UTS2: variants seen among roughly 807,000 people sequenced by gnomAD.
The protein encoded by UTS2 is urotensin-2.
In UTS2, 10 loss-of-function variants were observed where a neutral mutation model predicts 12.6. The ratio of observed to expected loss-of-function variants is 0.80; its 90% CI spans 0.49 to 1.35. UTS2 has a LOEUF of 1.35. Ranked by LOEUF, UTS2 falls within the 40% of genes most tolerant of loss-of-function variation. UTS2 has a pLI of 0.00. For synonymous variants in UTS2, 52 were observed against 50.0 expected, an observed-to-expected ratio of 1.04 and a Z score of -0.17; for missense variants, 142 against 143.2, an observed-to-expected ratio of 0.99 and a Z score of 0.04.
At chr1:7,854,208 G>A (rs909571916), upstream of UTS2, among the ~76,000 whole-genome samples, 2 of 152,064 alleles carry the variant, frequency 1.3e-5, no homozygotes, top group African/African-American at 4.8e-5. Context: ...GCCAGGCATG[G>A]TGGCACGTGC....
At chr1:7,865,667 G>A in the UTS2 span, among the ~76,000 whole-genome samples, 1 of 152,116 alleles carries the variant, frequency 6.6e-6, no homozygotes, top group Non-Finnish European at 1.5e-5. Flanking sequence ...GCTGAGCATG[G>A]TGGTTCTGTA....
chr1:7,867,237 A>G, the UTS2 span, among the ~76,000 whole-genome samples: 4 of 152,340 alleles, frequency 2.6e-5, no homozygotes, highest in Admixed American at 2.6e-4. Flanking sequence ...CCAAAATATG[A>G]AGAACTTAAC....
the UTS2 span, among the ~76,000 whole-genome samples, chr1:7,869,731 G>A: frequency 2.0e-5 from 3 of 152,352 alleles, no homozygotes; most frequent in Non-Finnish European, 4.4e-5. Flanking sequence ...GGCCAGCGGA[G>A]AGGAAGTCTG....
chr1:7,867,166 G>A, the UTS2 span, among the ~76,000 whole-genome samples: 1 of 152,096 alleles, frequency 6.6e-6, no homozygotes, highest in Non-Finnish European at 1.5e-5. Flanking sequence ...CACCACACAT[G>A]GCCCAAATTA....
Position 7,849,682 on chromosome 1 carries a change from G to C in UTS2, c.216C>G (p.Asp72Glu). ...TTGGGTTAAAAATGTTGGTACTTGAGTCTGAAAAACAGTTTTGAAGCCAGT... is the reference window on the plus strand; with the variant it reads ...TTGGGTTAAAAATGTTGGTACTTGACTCTGAAAAACAGTTTTGAAGCCAGT... ...AERGDILRKADSSTNIFNPRG... is the reference protein window; with the variant it reads ...AERGDILRKAESSTNIFNPRG... Residue 72 changes from aspartate to glutamate, a missense_variant and splice_region_variant, in exon 3 of 4, where the codon GAC becomes GAG. Physicochemically the swap from Asp to Glu is conservative, Grantham distance 45. Coordinates refer to ENST00000361696, the MANE Select transcript of UTS2 (RefSeq NM_006786.4). The C allele has an allele frequency of 1.2e-6, 2 of 1,608,990 alleles. No homozygotes were observed. Among genetic ancestry groups the C allele is most frequent in the Non-Finnish European group, 1.7e-6 (2 of 1,178,928 alleles).
intron 2 of UTS2, 84 bp downstream of exon 2, chr1:7,850,728 A>G: frequency 7.4e-7 from 1 of 1,358,122 alleles, no homozygotes; most frequent in South Asian, 1.2e-5. Flanking sequence ...TCCAAAATAG[A>G]GCTTTACCTC....
chr1:7,910,300 G>C, the UTS2 span, among the ~76,000 whole-genome samples: 1 of 83,392 alleles, frequency 1.2e-5, no homozygotes, highest in Non-Finnish European at 2.4e-5. Context: ...GCCTTTCTTT[G>C]TAAAAACCGG....
At chr1:7,906,959 A>G in the UTS2 span, among the ~76,000 whole-genome samples, 1 of 152,164 alleles carries the variant, frequency 6.6e-6, no homozygotes, top group Non-Finnish European at 1.5e-5. Context: ...ATAATTATTG[A>G]AAGAGTATGG....
chr1:7,907,780 G>A, the UTS2 span, among the ~76,000 whole-genome samples: 4 of 152,094 alleles, frequency 2.6e-5, no homozygotes, highest in African/African-American at 9.7e-5. Flanking sequence ...CTCAGAGTAG[G>A]AGGAAAAGAA....
At chr1:7,901,578 A>G in the UTS2 span, among the ~76,000 whole-genome samples, 1 of 151,428 alleles carries the variant, frequency 6.6e-6, no homozygotes, top group Admixed American at 6.6e-5. Flanking sequence ...CAGCTGCTAT[A>G]TACTTGGATG....
chr1:7,909,255 A>T, the UTS2 span, among the ~76,000 whole-genome samples: 4 of 152,172 alleles, frequency 2.6e-5, no homozygotes, highest in Non-Finnish European at 4.4e-5. Flanking sequence ...AAAGTTAATT[A>T]AAAAATATTT....
Position 7,853,049 on chromosome 1 carries a change from G to A in UTS2, c.-46C>T. The A allele has an allele frequency of 6.3e-7, 1 of 1,585,666 alleles. No individual in the cohort carries two copies. Among genetic ancestry groups the A allele is most frequent in the Non-Finnish European group, 8.5e-7 (1 of 1,169,990 alleles). ...CTTCCTTCTTGGCTTCTGTTGTAGAGAACTTTCAACTGTCTCCTCATTCTG... is the reference window on the plus strand; with the variant it reads ...CTTCCTTCTTGGCTTCTGTTGTAGAAAACTTTCAACTGTCTCCTCATTCTG... On this transcript the variant is annotated 5_prime_UTR_variant, in exon 1 of 4. Transcript: ENST00000361696.
At chr1:7,848,102 G>A (rs1361113780) in intron 3 of UTS2, among the ~76,000 whole-genome samples, 7 of 152,100 alleles carry the variant, frequency 4.6e-5, no homozygotes, top group African/African-American at 1.7e-4. Flanking sequence ...AGTCTGTTCA[G>A]CCCAGCGATT....
chr1:7,850,052 C>A (rs2097412337), intron 2 of UTS2, among the ~76,000 whole-genome samples: 1 of 151,706 alleles, frequency 6.6e-6, no homozygotes, highest in African/African-American at 2.4e-5. Flanking sequence ...TCACCACAAC[C>A]TCTGCCTCCT....
chr1:7,853,449 G>C, upstream of UTS2: 1 of 1,610,066 alleles, frequency 6.2e-7, no homozygotes, highest in Non-Finnish European at 8.5e-7. Flanking sequence ...TCTTTCATGA[G>C]TGAGTAGATG....
the UTS2 span, among the ~76,000 whole-genome samples, chr1:7,872,321 G>GAAAAAAAAAAAA: frequency 1.2e-5 from 1 of 86,078 alleles, no homozygotes; most frequent in Non-Finnish European, 2.3e-5. Context: ...AAAAAAAAAG[G>GAAAAAAAAAAAA]AAAAGAAAAA....
intron 3 of UTS2, among the ~76,000 whole-genome samples, chr1:7,848,322 C>T (rs1239293576): frequency 6.6e-6 from 1 of 151,922 alleles, no homozygotes; most frequent in East Asian, 1.9e-4. Flanking sequence ...TCCTGTAGTC[C>T]CAGCTACTCG....
the UTS2 span, among the ~76,000 whole-genome samples, chr1:7,862,727 A>T: frequency 6.6e-6 from 1 of 152,080 alleles, no homozygotes; most frequent in African/African-American, 2.4e-5. Flanking sequence ...CCCGCACCCC[A>T]GGGAGGGCAT....
At chr1:7,863,932 G>A in the UTS2 span, among the ~76,000 whole-genome samples, 3 of 152,188 alleles carry the variant, frequency 2.0e-5, no homozygotes, top group South Asian at 2.1e-4. Context: ...GGCTGACAGC[G>A]GGGCCTCCCT....
Sources: allele counts gnomAD v4.1 joint callset (sites outside exome capture counted in the v4.1 genomes callset), GRCh38; gene constraint gnomAD v4.1.1; transcripts MANE v1.5; gene names NCBI Gene and HGNC (gene_info 2026-07-23, HGNC 2026-07-21).